CHRM2: variants seen among roughly 807,000 people sequenced by gnomAD.
CHRM2 encodes the protein muscarinic acetylcholine receptor M2.
In CHRM2, 8 loss-of-function variants were observed where a neutral mutation model predicts 25.0. The observed-to-expected ratio is 0.32, with a 90% CI of 0.19 to 0.58. The LOEUF (loss-of-function observed/expected upper bound fraction) is 0.58, where lower values mean the gene tolerates loss of function less well. CHRM2 is among the 20% of genes least tolerant of loss of function. The probability of loss-of-function intolerance (pLI) is 0.88; values close to 1 mark genes in which losing one functional copy is unlikely to be tolerated. For synonymous variants in CHRM2, 202 were observed against 205.7 expected (o/e 0.98, Z 0.15); for missense variants, 440 against 567.1 (o/e 0.78, Z 2.28).
chr7:136,901,354 G>A lies in CHRM2; in HGVS notation c.-125+31936G>A, dbSNP rs116347894. On this transcript the variant is annotated intron_variant, in intron 2 of 3. Transcript: ENST00000680005. ...CAGTTCAGATTCACAGGCACTTGCA[G>A]GGCAAGTTTTCAATGTCACTGTGGC... Among the ~76,000 whole-genome samples the A allele has an allele frequency of 5.1e-3, 772 of 152,196 alleles. 5 individuals are homozygous for A. Among genetic ancestry groups the A allele is most frequent in the African/African-American group, 0.017 (725 of 41,554 alleles).
At chr7:136,872,161 A>G (rs1211386323) in intron 2 of CHRM2, among the ~76,000 whole-genome samples, 2 of 152,220 alleles carry the variant, frequency 1.3e-5, no homozygotes, top group Non-Finnish European at 2.9e-5. Context: ...TGTCTGAAAG[A>G]TGCTTCATTT....
chr7:136,983,175 C>CT (rs1271979173), intron 2 of CHRM2, among the ~76,000 whole-genome samples: 3 of 151,898 alleles, frequency 2.0e-5, no homozygotes, highest in Non-Finnish European at 2.9e-5. Context: ...TGTCTTCATG[C>CT]TTTTTTTTAT....
At chr7:136,990,425 A>T (rs949311284) in intron 2 of CHRM2, among the ~76,000 whole-genome samples, 8 of 152,064 alleles carry the variant, frequency 5.3e-5, no homozygotes, top group African/African-American at 1.9e-4. Flanking sequence ...TACTGTCTTC[A>T]CAGTTTTTGC....
chr7:136,916,641 TAAC>T (rs1798130396), intron 2 of CHRM2, among the ~76,000 whole-genome samples: 1 of 150,854 alleles, frequency 6.6e-6, no homozygotes, highest in Admixed American at 6.6e-5. Flanking sequence ...ATTTGTTTAT[TAAC>T]GTTTCCTCAT....
intron 2 of CHRM2, among the ~76,000 whole-genome samples, chr7:136,875,829 T>A (rs563740513): frequency 2.8e-4 from 43 of 152,308 alleles, no homozygotes; most frequent in African/African-American, 1.0e-3. Flanking sequence ...CTTAGTGTAA[T>A]GACTGGTACA....
intron 2 of CHRM2, among the ~76,000 whole-genome samples, chr7:136,943,716 G>GCAGGATCATGTTTCAAATTGACA (rs6150366): frequency 6.6e-6 from 1 of 151,740 alleles, no homozygotes; most frequent in Non-Finnish European, 1.5e-5. Context: ...GTTTTTCAAG[G>GCAGGATCATGTTTCAAATTGACA]CAGTATCAAT....
chr7:136,972,830 A>C (rs1801869220), intron 2 of CHRM2, among the ~76,000 whole-genome samples: 1 of 8,980 alleles, frequency 1.1e-4, no homozygotes, highest in African/African-American at 5.1e-4. Flanking sequence ...GTGGCAGGTG[A>C]CGATGGTGAC....
chr7:136,966,026 C>G (rs1801394694), intron 2 of CHRM2, among the ~76,000 whole-genome samples: 1 of 151,762 alleles, frequency 6.6e-6, no homozygotes, highest in African/African-American at 2.4e-5. Context: ...CAGAGGGAGA[C>G]AGAACTCTGA....
chr7:136,874,103 A>G (rs1385516588), intron 2 of CHRM2, among the ~76,000 whole-genome samples: 1 of 152,222 alleles, frequency 6.6e-6, no homozygotes, highest in Admixed American at 6.5e-5. Flanking sequence ...GAACACACAC[A>G]TCCCAATCCC....
intron 2 of CHRM2, among the ~76,000 whole-genome samples, chr7:136,873,721 G>T (rs770233343): frequency 6.6e-6 from 1 of 152,138 alleles, no homozygotes; most frequent in Admixed American, 6.5e-5. Context: ...TTTTCCCTGT[G>T]TTTGGGGAAA....
At chr7:136,948,552 T>C (rs1231476306) in intron 2 of CHRM2, among the ~76,000 whole-genome samples, 1 of 152,156 alleles carries the variant, frequency 6.6e-6, no homozygotes, top group Non-Finnish European at 1.5e-5. Context: ...GAATCAGAAG[T>C]GTGGAAGAGT....
intron 2 of CHRM2, among the ~76,000 whole-genome samples, chr7:136,882,948 T>G (rs571107070): frequency 1.7e-4 from 26 of 152,226 alleles, no homozygotes; most frequent in Admixed American, 1.4e-3. Flanking sequence ...AGTTTCCTCT[T>G]TTTACTTGAC....
chr7:136,903,409 G>A, intron 2 of CHRM2: 1 of 318,660 alleles, frequency 3.1e-6, no homozygotes. Flanking sequence ...TCACACCTCA[G>A]CATCCAAGTA....
chr7:136,915,951 C>T (rs949688309), intron 2 of CHRM2, among the ~76,000 whole-genome samples: 1 of 148,936 alleles, frequency 6.7e-6, no homozygotes, highest in Admixed American at 6.8e-5. Context: ...TTATCCTATT[C>T]ATCTTTGTAT....
intron 2 of CHRM2, among the ~76,000 whole-genome samples, chr7:136,966,781 G>A (rs565425215): frequency 1.3e-5 from 2 of 150,590 alleles, no homozygotes; most frequent in Non-Finnish European, 3.0e-5. Context: ...TTTCTTTTTA[G>A]TTGAAATTAA....
chr7:136,913,622 G>A (rs1224853533), intron 2 of CHRM2, among the ~76,000 whole-genome samples: 2 of 151,816 alleles, frequency 1.3e-5, no homozygotes, highest in African/African-American at 4.8e-5. Context: ...CCAAAACCTA[G>A]TAATTTTTTT....
chr7:136,876,185 T>C (rs10488597), intron 2 of CHRM2, among the ~76,000 whole-genome samples: 24,647 of 152,142 alleles, frequency 0.16, 2,371 homozygotes, highest in Non-Finnish European at 0.23. Flanking sequence ...CATAGCAACA[T>C]GTTTTGGAAG....
intron 2 of CHRM2, among the ~76,000 whole-genome samples, chr7:136,930,368 T>C (rs1584774303): frequency 6.6e-6 from 1 of 151,846 alleles, no homozygotes; most frequent in African/African-American, 2.4e-5. Context: ...AAAAAGCATC[T>C]TACATGTCTT....
chr7:136,905,213 T>C (rs968481880), intron 2 of CHRM2, among the ~76,000 whole-genome samples: 2 of 151,896 alleles, frequency 1.3e-5, no homozygotes, highest in Non-Finnish European at 2.9e-5. Context: ...GTCTATATTT[T>C]GGGAATTTTC....
Sources: gnomAD v4.1 joint callset for allele counts (sites outside exome capture counted in the v4.1 genomes callset) on GRCh38, gnomAD v4.1.1 for gene constraint, MANE v1.5 for transcripts, NCBI Gene and HGNC (gene_info 2026-07-23, HGNC 2026-07-21) for gene names.